Variants in DNM3 observed in about 807,000 individuals in gnomAD.
DNM3 encodes dynamin-3.
DNM3 carries 47 observed loss-of-function variants against 101.6 expected under a neutral mutation model. That is an observed-to-expected ratio of 0.46 (90% confidence interval 0.37 to 0.59). DNM3 has a LOEUF of 0.59. Among genes scored for constraint, DNM3 ranks in the 20% least tolerant of loss-of-function variants. The pLI is 0.00. For synonymous variants in DNM3, 385 were observed against 387.9 expected (o/e 0.99, Z 0.09); for missense variants, 849 against 1,085.7 (o/e 0.78, Z 3.06).
chr1:172,379,275 G>A, intron 18 of DNM3, 93 bp downstream of exon 18: 1 of 1,119,904 alleles, frequency 8.9e-7, no homozygotes. Context: ...GTATTTTCTG[G>A]ATAGTTCAAA....
intron 14 of DNM3, among the ~76,000 whole-genome samples, chr1:172,234,298 G>A (rs1049049348): frequency 1.3e-5 from 2 of 152,094 alleles, no homozygotes; most frequent in South Asian, 2.1e-4. Context: ...TTGCTTCAAA[G>A]AGAATAAAAT....
chr1:172,014,504 G>A (rs973188653), intron 4 of DNM3, among the ~76,000 whole-genome samples: 6 of 152,110 alleles, frequency 3.9e-5, no homozygotes, highest in African/African-American at 1.4e-4. Flanking sequence ...TAGGTGTGTA[G>A]TGGCATTTCA....
chr1:171,982,226 A>G (rs1054348062), intron 2 of DNM3, among the ~76,000 whole-genome samples: 3 of 152,226 alleles, frequency 2.0e-5, no homozygotes, highest in Non-Finnish European at 4.4e-5. Context: ...AGTATACTAT[A>G]GTAGAAGACA....
chr1:171,978,398 A>T (rs1165317943), intron 2 of DNM3, among the ~76,000 whole-genome samples: 2 of 152,152 alleles, frequency 1.3e-5, no homozygotes, highest in Non-Finnish European at 2.9e-5. Context: ...ATTCCAGAAG[A>T]GGTGCAGCTT....
In DNM3 at chr1:171,953,676, G is replaced by A. The variant is rs534991976; in HGVS notation, c.235+31855G>A. The stretch of plus-strand genomic sequence containing the variant: ...ACTTCTGACCTCAGGTGATCTACCC[G>A]CCTCAGCCTCCCAAAGTGCTGGGAT... On this transcript the variant is annotated intron_variant, in intron 2 of 20. Transcript: ENST00000627582. Among the ~76,000 whole-genome samples, 6 of 152,078 alleles carry A rather than the reference G, an allele frequency of 3.9e-5. No individual in the cohort carries two copies. The South Asian group carries it at 1.2e-3, about 32-fold the overall frequency.
At chr1:172,172,679 G>T (rs994911732) in intron 14 of DNM3, among the ~76,000 whole-genome samples, 1 of 151,684 alleles carries the variant, frequency 6.6e-6, no homozygotes. Context: ...ATAGAGAAGG[G>T]TACAGTTCTA....
rs1293575491 is a variant in DNM3, at chr1:172,408,090, C to G, written c.*249C>G. The G allele has an allele frequency of 7.8e-7, 1 of 1,285,130 alleles. No individual in the cohort carries two copies. The highest frequency in any genetic ancestry group is 1.5e-5 in the African/African-American group (1 of 66,996). 79.6% of individuals were successfully genotyped at this position (1,285,130 alleles called of 1,614,324 possible). On this transcript the variant is annotated 3_prime_UTR_variant, in exon 21 of 21. Transcript: ENST00000627582. The stretch of plus-strand genomic sequence containing the variant: ...TGACCAAGGTAGGTTTGTATAGCAG[C>G]CCTATACTTTGGGGATCATTTGCCT...
chr1:172,272,196 T>G (rs528642473), intron 15 of DNM3, among the ~76,000 whole-genome samples: 10 of 152,092 alleles, frequency 6.6e-5, no homozygotes, highest in African/African-American at 2.4e-4. Context: ...GAAGTGCTTG[T>G]GTGTACTTCT....
rs117479352 is a variant in DNM3, at chr1:172,086,274, G to A, written c.1493+4372G>A. 4.0e-4 allele frequency among the ~76,000 whole-genome samples: 61 copies of A among 152,210 alleles called. No homozygotes were observed. The East Asian group carries it at 6.0e-3, about 15-fold the overall frequency. On this transcript the variant is annotated intron_variant, in intron 12 of 20. Coordinates refer to ENST00000627582, the MANE Select transcript of DNM3 (RefSeq NM_015569.5). ...TCATTAAAGATCCTGGAGGAGAAAC[G>A]GACATTGTTTCTTCTCCCTTTGGCT... is the stretch of plus-strand genomic sequence containing the variant.
At chr1:171,907,866 A>G (rs2038960793) in intron 1 of DNM3, among the ~76,000 whole-genome samples, 1 of 152,204 alleles carries the variant, frequency 6.6e-6, no homozygotes, top group South Asian at 2.1e-4. Flanking sequence ...GCTATGTTCA[A>G]TGATAACTAC....
Position 172,044,323 on chromosome 1 carries a change from T to A in DNM3, c.1129-62T>A, listed in dbSNP as rs1022834477. On this transcript the variant is annotated intron_variant, in intron 8 of 20. Coordinates refer to ENST00000627582, the MANE Select transcript of DNM3 (RefSeq NM_015569.5). ...AAGTCAAGTTATTCTCATTCTGTAA[T>A]GTTCAACAATATTATTCAAAGGAAT... 2.9e-6 allele frequency: 4 copies of A among 1,365,076 alleles called. No homozygotes were observed. In the African/African-American group the frequency reaches 5.8e-5, roughly 20 times the overall value. The allele number at this position is 1,365,076 out of a possible 1,614,324, so 84.6% of individuals were successfully genotyped here. A position where few individuals can be genotyped will look rare whatever the true frequency, so the allele number is the denominator to read the frequency against.
intron 15 of DNM3, among the ~76,000 whole-genome samples, chr1:172,257,549 A>G (rs946340872): frequency 1.3e-5 from 2 of 152,082 alleles, no homozygotes; most frequent in African/African-American, 4.8e-5. Context: ...ATGTTAGTAT[A>G]GCTACACTAA....
At chr1:172,250,832 T>G (rs1169828579) in intron 14 of DNM3, among the ~76,000 whole-genome samples, 2 of 152,060 alleles carry the variant, frequency 1.3e-5, no homozygotes, top group African/African-American at 2.4e-5. Context: ...AAGAGTTAAG[T>G]ACATGGGGTA....
chr1:172,297,810 C>T (rs1392676734), intron 15 of DNM3, among the ~76,000 whole-genome samples: 1 of 151,872 alleles, frequency 6.6e-6, no homozygotes, highest in Non-Finnish European at 1.5e-5. Flanking sequence ...CTCATTAATT[C>T]CACCTGATTG....
intron 6 of DNM3, among the ~76,000 whole-genome samples, chr1:172,036,156 TC>T (rs1474895107): frequency 3.6e-5 from 3 of 83,960 alleles, no homozygotes; most frequent in African/African-American, 4.8e-5. Flanking sequence ...CCCTCCCCCC[TC>T]CCCCCACCCC....
chr1:172,381,503 T>C (rs1195504458), intron 18 of DNM3, among the ~76,000 whole-genome samples: 1 of 150,368 alleles, frequency 6.7e-6, no homozygotes, highest in Non-Finnish European at 1.5e-5. Context: ...ATAATACATA[T>C]ATTTTAAAAT....
At chr1:171,915,839 G>A (rs1461270219) in intron 1 of DNM3, among the ~76,000 whole-genome samples, 1 of 152,164 alleles carries the variant, frequency 6.6e-6, no homozygotes, top group Admixed American at 6.5e-5. Flanking sequence ...TACCTCTCTG[G>A]TAGCTCGTTT....
chr1:172,359,695 A>AAAG, intron 17 of DNM3, among the ~76,000 whole-genome samples: 1 of 152,008 alleles, frequency 6.6e-6, no homozygotes, highest in East Asian at 1.9e-4. Flanking sequence ...AAGGTATTTA[A>AAAG]AAGTCTTTTA....
intron 15 of DNM3, among the ~76,000 whole-genome samples, chr1:172,257,135 G>A (rs1305533782): frequency 6.6e-6 from 1 of 151,930 alleles, no homozygotes; most frequent in Admixed American, 6.6e-5. Flanking sequence ...ATTGTATTTT[G>A]CAATGTCTAT....
Sources: gnomAD v4.1 joint callset for allele counts (sites outside exome capture counted in the v4.1 genomes callset) on GRCh38, gnomAD v4.1.1 for gene constraint, MANE v1.5 for transcripts, NCBI Gene and HGNC (gene_info 2026-07-23, HGNC 2026-07-21) for gene names.